EPHB1: variants seen among roughly 807,000 people sequenced by gnomAD.
EPHB1 encodes the protein ephrin type-B receptor 1.
EPHB1 carries 30 observed loss-of-function variants against 94.4 expected under a neutral mutation model. The ratio of observed to expected loss-of-function variants is 0.32; its 90% CI spans 0.24 to 0.43. EPHB1 has a LOEUF of 0.43. Among genes scored for constraint, EPHB1 ranks in the 20% least tolerant of loss-of-function variants. The pLI is 1.00. For missense variants in EPHB1, 1,055 were observed against 1,308.3 expected (o/e 0.81, Z 2.99); for synonymous variants, 522 against 489.1 (o/e 1.07, Z -0.89).
At chr3:134,935,925 A>T (rs2107707128) in intron 2 of EPHB1, among the ~76,000 whole-genome samples, 1 of 152,272 alleles carries the variant, frequency 6.6e-6, no homozygotes, top group South Asian at 2.1e-4. Context: ...TCTCACTGGG[A>T]CCCTGCAAGG....
rs916558174 is a variant in EPHB1 at position 135,152,610 on chromosome 3, A to G, written c.1298-1542A>G. Among the ~76,000 whole-genome samples, 6 of 152,142 alleles carry G rather than the reference A, an allele frequency of 3.9e-5. No homozygotes were observed. The South Asian group carries it at 1.2e-3, about 32-fold the overall frequency. ...GAGAGGGAAGGAAGGAGGATTGGGT[A>G]GGGTAGGAAGAGCTTTAGCTTGCTG... On this transcript the variant is annotated intron_variant, in intron 5 of 15. Transcript: ENST00000398015.
At chr3:134,833,996 A>T (rs1486692918) in intron 1 of EPHB1, among the ~76,000 whole-genome samples, 6 of 152,156 alleles carry the variant, frequency 3.9e-5, no homozygotes, top group Non-Finnish European at 7.3e-5. Flanking sequence ...GTTTTAGGCA[A>T]ATTTACCTGT....
At chr3:135,077,106 C>G (rs1469241859) in intron 3 of EPHB1, among the ~76,000 whole-genome samples, 3 of 152,056 alleles carry the variant, frequency 2.0e-5, no homozygotes, top group Non-Finnish European at 4.4e-5. Context: ...CTCCATAAAA[C>G]TGCTTAAGAT....
intron 2 of EPHB1, among the ~76,000 whole-genome samples, chr3:134,949,738 A>T (rs972235): frequency 0.5 from 75,499 of 151,852 alleles, 19,637 homozygotes; most frequent in African/African-American, 0.64. Context: ...TATTTTTTTT[A>T]ATTCTAGGCA....
intron 12 of EPHB1, among the ~76,000 whole-genome samples, chr3:135,237,572 G>A (rs1476466685): frequency 6.6e-6 from 1 of 152,108 alleles, no homozygotes; most frequent in Non-Finnish European, 1.5e-5. Flanking sequence ...AGTCCCTGCA[G>A]AAAGCAGACC....
At chr3:135,038,655 C>T (rs1457551371) in intron 3 of EPHB1, among the ~76,000 whole-genome samples, 1 of 152,108 alleles carries the variant, frequency 6.6e-6, no homozygotes, top group Non-Finnish European at 1.5e-5. Context: ...TCTGTCCCTT[C>T]TGATATTCAG....
intron 3 of EPHB1, among the ~76,000 whole-genome samples, chr3:135,043,291 A>G (rs376528446): frequency 1.6e-4 from 25 of 151,516 alleles, no homozygotes; most frequent in African/African-American, 6.1e-4. Flanking sequence ...TAATAATAAT[A>G]ATAATGTGTG....
rs1228433523 is a variant in EPHB1, at chr3:134,919,589, C to T, written c.59-6227C>T. 2.6e-5 allele frequency among the ~76,000 whole-genome samples: 4 copies of T among 152,102 alleles called. No individual in the cohort carries two copies. The East Asian group carries it at 7.7e-4, about 29-fold the overall frequency. On this transcript the variant is annotated intron_variant, in intron 1 of 15. Coordinates refer to ENST00000398015, the MANE Select transcript of EPHB1 (RefSeq NM_004441.5). ...TAGTGCTGGGCTCCTGTTGCAAGGG[C>T]TGAGGGTCAAGGGCAGTAGACACCC...
At position 135,166,965 on chromosome 3, in the gene EPHB1, C is replaced by T; in HGVS notation, c.1718C>T (p.Ala573Val). 2 of 1,614,148 alleles carry T rather than the reference C, an allele frequency of 1.2e-6. No homozygotes were observed. The highest frequency in any genetic ancestry group is 1.7e-6 in the Non-Finnish European group (2 of 1,180,006). The change falls in exon 9 of 16, where the codon GCT becomes GTT. Residue 573 changes from alanine to valine, a missense_variant. Coordinates refer to ENST00000398015, the MANE Select transcript of EPHB1 (RefSeq NM_004441.5). ...CSRKRAYSKE[A>V]VYSDKLQHYS... ...AGGAAACGGGCTTATAGCAAAGAGG[C>T]TGTGTACAGCGATAAGCTCCAGCAT...
intron 12 of EPHB1, among the ~76,000 whole-genome samples, chr3:135,240,721 C>T (rs912832518): frequency 1.1e-4 from 16 of 152,196 alleles, no homozygotes; most frequent in African/African-American, 3.6e-4. Context: ...CTCTTCTTTC[C>T]TTTTGTACCA....
chr3:135,054,024 C>CATAT (rs144029421), intron 3 of EPHB1, among the ~76,000 whole-genome samples: 6,688 of 137,292 alleles, frequency 0.049, 367 homozygotes, highest in African/African-American at 0.13. Flanking sequence ...TGTGTGTCTG[C>CATAT]ATATATATAT....
chr3:135,064,255 T>C (rs572377004), intron 3 of EPHB1, among the ~76,000 whole-genome samples: 31 of 152,230 alleles, frequency 2.0e-4, no homozygotes, highest in Non-Finnish European at 3.2e-4. Context: ...GTGGAAGGAA[T>C]AGTGTCAAAA....
intron 3 of EPHB1, among the ~76,000 whole-genome samples, chr3:135,036,182 G>A (rs962605918): frequency 3.3e-5 from 5 of 152,180 alleles, no homozygotes; most frequent in East Asian, 1.9e-4. Context: ...AGAGGAGGCC[G>A]TTGGCATAGG....
chr3:135,160,997 T>A (rs1298338671), intron 6 of EPHB1, among the ~76,000 whole-genome samples: 1 of 152,166 alleles, frequency 6.6e-6, no homozygotes, highest in Non-Finnish European at 1.5e-5. Flanking sequence ...ATTTAAGAGT[T>A]TTGCCTTTGT....
chr3:135,226,663 C>T (rs1943410947), intron 12 of EPHB1, among the ~76,000 whole-genome samples: 1 of 152,210 alleles, frequency 6.6e-6, no homozygotes, highest in Non-Finnish European at 1.5e-5. Context: ...CTTTCTTCCC[C>T]TACACCTGGG....
intron 3 of EPHB1, among the ~76,000 whole-genome samples, chr3:134,984,670 G>C (rs1327467808): frequency 6.6e-6 from 1 of 152,060 alleles, no homozygotes; most frequent in Non-Finnish European, 1.5e-5. Context: ...CCCTCATTTG[G>C]GACCCAAGGA....
intron 12 of EPHB1, among the ~76,000 whole-genome samples, chr3:135,240,338 A>G (rs551026257): frequency 6.6e-6 from 1 of 152,256 alleles, no homozygotes; most frequent in East Asian, 1.9e-4. Flanking sequence ...GAGTGGATAG[A>G]TGTGAATCCC....
intron 2 of EPHB1, among the ~76,000 whole-genome samples, chr3:134,933,179 T>C (rs1293670138): frequency 6.6e-6 from 1 of 152,308 alleles, no homozygotes; most frequent in East Asian, 1.9e-4. Flanking sequence ...CTTCCCATCC[T>C]TTTTTCTCCT....
At chr3:135,159,174 G>T (rs1941443716) in intron 6 of EPHB1, among the ~76,000 whole-genome samples, 1 of 152,044 alleles carries the variant, frequency 6.6e-6, no homozygotes, top group Non-Finnish European at 1.5e-5. Flanking sequence ...CTTATAATTA[G>T]TCATAAGCAA....
Sources: allele counts gnomAD v4.1 joint callset (sites outside exome capture counted in the v4.1 genomes callset), GRCh38; gene constraint gnomAD v4.1.1; transcripts MANE v1.5; gene names NCBI Gene and HGNC (gene_info 2026-07-23, HGNC 2026-07-21).